LRRIQ3: variants seen among roughly 807,000 people sequenced by gnomAD.
LRRIQ3 encodes leucine rich repeats and IQ motif containing 3, also known as leucine-rich repeat and IQ domain-containing protein 3.
LRRIQ3 carries 75 observed loss-of-function variants against 59.3 expected under a neutral mutation model. The ratio of observed to expected loss-of-function variants is 1.26; its 90% CI spans 1.05 to 1.53. The LOEUF is 1.53. Among genes scored for constraint, LRRIQ3 ranks in the 40% most tolerant of loss-of-function variants. The pLI, the probability that LRRIQ3 is intolerant of heterozygous loss-of-function variation, is 0.00. For missense variants in LRRIQ3, 831 were observed against 710.0 expected (o/e 1.17, Z -1.94); for synonymous variants, 250 against 231.3 (o/e 1.08, Z -0.73).
intron 6 of LRRIQ3, among the ~76,000 whole-genome samples, chr1:74,067,135 TC>T (rs1427928189): frequency 6.6e-6 from 1 of 152,054 alleles, no homozygotes; most frequent in African/African-American, 2.4e-5. Flanking sequence ...ACAACTGAAA[TC>T]CCATCAAGTC....
At chr1:74,106,524 AAAG>A (rs1263010241) in intron 5 of LRRIQ3, among the ~76,000 whole-genome samples, 1 of 152,028 alleles carries the variant, frequency 6.6e-6, no homozygotes, top group African/African-American at 2.4e-5. Context: ...GAAGTAGATG[AAAG>A]AAGACTATTT....
At chr1:74,164,612 T>C (rs951677281) in intron 3 of LRRIQ3, among the ~76,000 whole-genome samples, 1 of 151,618 alleles carries the variant, frequency 6.6e-6, no homozygotes, top group African/African-American at 2.4e-5. Context: ...CTGTAGCTTA[T>C]CTTTTCATTC....
intron 6 of LRRIQ3, among the ~76,000 whole-genome samples, chr1:74,054,376 G>T (rs527958271): frequency 6.6e-6 from 1 of 152,136 alleles, no homozygotes; most frequent in Non-Finnish European, 1.5e-5. Flanking sequence ...CAGGGATAAG[G>T]TGGGGAGGAT....
At chr1:74,043,300 T>C (rs1330863605) in intron 6 of LRRIQ3, among the ~76,000 whole-genome samples, 1 of 152,126 alleles carries the variant, frequency 6.6e-6, no homozygotes, top group African/African-American at 2.4e-5. Context: ...AAAATTACCT[T>C]GTCTTTATGT....
intron 3 of LRRIQ3, chr1:74,181,880 A>G (rs1222202227): frequency 6.6e-6 from 1 of 151,782 alleles, no homozygotes. Context: ...CTACACACAT[A>G]TATGTGACTT....
chr1:74,030,603 A>C (rs1653675054), intron 7 of LRRIQ3, among the ~76,000 whole-genome samples: 1 of 152,306 alleles, frequency 6.6e-6, no homozygotes, highest in East Asian at 1.9e-4. Context: ...CTTATACAAA[A>C]ATTAATTCAA....
intron 5 of LRRIQ3, among the ~76,000 whole-genome samples, chr1:74,096,800 T>A (rs2100529509): frequency 6.6e-6 from 1 of 152,264 alleles, no homozygotes; most frequent in African/African-American, 2.4e-5. Context: ...TGTTGGAGTT[T>A]GCTGGAGGTC....
At chr1:74,035,818 G>A (rs1289533183) in intron 7 of LRRIQ3, among the ~76,000 whole-genome samples, 1 of 151,906 alleles carries the variant, frequency 6.6e-6, no homozygotes. Flanking sequence ...GAATATTCAC[G>A]ATCTCCTTGA....
chr1:74,171,717 T>A (rs981543933), intron 3 of LRRIQ3, among the ~76,000 whole-genome samples: 3 of 152,196 alleles, frequency 2.0e-5, no homozygotes, highest in African/African-American at 7.2e-5. Context: ...ATAATTGGTA[T>A]TAATGCTTTA....
At chr1:74,163,045 G>C (rs1648751514) in intron 3 of LRRIQ3, among the ~76,000 whole-genome samples, 4 of 151,464 alleles carry the variant, frequency 2.6e-5, no homozygotes, top group Admixed American at 2.6e-4. Context: ...TGATGAATAT[G>C]CTAACTATGC....
rs1272710927 is a variant in LRRIQ3 at position 74,050,461 on chromosome 1, T to C, written c.998-8528A>G. ...ATCAGCCAATTTACTTTCAGTTTTC[T>C]GAACAGATAGTTGGATCTTTTAGGA... is the stretch of plus-strand genomic sequence containing the variant. On this transcript the variant is annotated intron_variant, in intron 6 of 7. Coordinates refer to ENST00000354431, the MANE Select transcript of LRRIQ3 (RefSeq NM_001105659.2). The C allele has an allele frequency of 5.3e-6, 5 of 946,424 alleles. No individual in the cohort carries two copies. In the Admixed American group the frequency reaches 2.5e-4, roughly 47 times the overall value. The allele number at this position is 946,424 out of a possible 1,614,324, so 58.6% of individuals were successfully genotyped here.
At chr1:74,185,669 C>A (rs563396293) in intron 1 of LRRIQ3, among the ~76,000 whole-genome samples, 1 of 152,048 alleles carries the variant, frequency 6.6e-6, no homozygotes, top group Non-Finnish European at 1.5e-5. Flanking sequence ...AAGGGCCGGG[C>A]GCAGTGGCTC....
intron 5 of LRRIQ3, 138 bp downstream of exon 5, chr1:74,109,256 C>A: frequency 2.8e-6 from 2 of 714,442 alleles, no homozygotes; most frequent in Admixed American, 2.5e-5. Flanking sequence ...TTTTTTCAAT[C>A]AAAAAATATA....
chr1:74,182,442 T>C, intron 3 of LRRIQ3, 96 bp downstream of exon 3: 1 of 622,888 alleles, frequency 1.6e-6, no homozygotes, highest in Non-Finnish European at 2.4e-6. Flanking sequence ...GATGCAAAAA[T>C]ATTAAAAAGT....
chr1:74,045,546 G>A (rs761035734), intron 6 of LRRIQ3, among the ~76,000 whole-genome samples: 22 of 152,040 alleles, frequency 1.4e-4, no homozygotes, highest in Admixed American at 5.2e-4. Context: ...TTTGAAAACC[G>A]GCACAAGACA....
At chr1:74,104,448 A>T (rs530047006) in intron 5 of LRRIQ3, among the ~76,000 whole-genome samples, 1 of 152,190 alleles carries the variant, frequency 6.6e-6, no homozygotes, top group South Asian at 2.1e-4. Context: ...GTCCTTCAAC[A>T]GGTGAACGCA....
At chr1:74,038,423 T>C (rs776072999) in intron 7 of LRRIQ3, among the ~76,000 whole-genome samples, 24 of 152,224 alleles carry the variant, frequency 1.6e-4, no homozygotes, top group Non-Finnish European at 2.8e-4. Flanking sequence ...ACAAGTGGGT[T>C]TCCCCCCCAG....
intron 6 of LRRIQ3, among the ~76,000 whole-genome samples, chr1:74,066,187 G>GAAAAAAA (rs71772871): frequency 8.3e-6 from 1 of 119,888 alleles, no homozygotes; most frequent in Non-Finnish European, 1.7e-5. Context: ...ACTCTGTCTC[G>GAAAAAAA]AAAAAAAAAA....
At chr1:74,039,882 T>C (rs1653990345) in intron 7 of LRRIQ3, among the ~76,000 whole-genome samples, 2 of 152,148 alleles carry the variant, frequency 1.3e-5, no homozygotes, top group Non-Finnish European at 2.9e-5. Context: ...TACCAACTAG[T>C]GTGCAAAATA....
Sources: gnomAD v4.1 joint callset for allele counts (sites outside exome capture counted in the v4.1 genomes callset) on GRCh38, gnomAD v4.1.1 for gene constraint, MANE v1.5 for transcripts, NCBI Gene and HGNC (gene_info 2026-07-23, HGNC 2026-07-21) for gene names.